The following FARS2 variants were observed in gnomAD, a reference collection of about 807,000 sequenced individuals.
FARS2 encodes the protein phenylalanine--tRNA ligase, mitochondrial.
Under a neutral mutation model 46.4 loss-of-function variants are expected in FARS2, and 40 were observed. That is an observed-to-expected ratio of 0.86 (90% CI 0.67 to 1.12). The LOEUF (loss-of-function observed/expected upper bound fraction) is 1.12. Ranked by LOEUF, FARS2 falls within the 50% of genes most tolerant of loss-of-function variation. The probability of loss-of-function intolerance (pLI) is 0.00; values close to 1 mark genes in which losing one functional copy is unlikely to be tolerated. For missense variants in FARS2, 513 were observed against 567.9 expected, an observed-to-expected ratio of 0.90 and a Z score of 0.98; for synonymous variants, 234 against 214.9, an observed-to-expected ratio of 1.09 and a Z score of -0.78.
chr6:5,267,474 G>T (rs1291612875), intron 1 of FARS2, among the ~76,000 whole-genome samples: 2 of 152,086 alleles, frequency 1.3e-5, no homozygotes, highest in African/African-American at 4.8e-5. Context: ...GTCCAGGCCA[G>T]GCGTGGTGGC....
Position 5,578,268 on chromosome 6 carries a change from C to CCA in FARS2, c.1065+32930_1065+32931dup, listed in dbSNP as rs568746895. Among the ~76,000 whole-genome samples, 7 of 152,268 alleles carry CCA rather than the reference C, an allele frequency of 4.6e-5. No homozygotes were observed. The East Asian group carries it at 1.4e-3, about 29-fold the overall frequency. ...AGAAGTTCTCAGCCAGGGTCCCCAGCCACTGCTCCCTAACCCACCCATAGC... is the reference window on the plus strand; with the variant it reads ...AGAAGTTCTCAGCCAGGGTCCCCAGCCACACTGCTCCCTAACCCACCCATAGC... On this transcript the variant is annotated intron_variant, in intron 5 of 6. Transcript: ENST00000274680.
chr6:5,730,355 T>C (rs776763021), intron 6 of FARS2, among the ~76,000 whole-genome samples: 2 of 152,094 alleles, frequency 1.3e-5, no homozygotes, highest in African/African-American at 4.8e-5. Flanking sequence ...AGGTACTAAA[T>C]AGTTGGGGGA....
Position 5,765,222 on chromosome 6 carries a change from G to A in FARS2, c.1218-6069G>A, listed in dbSNP as rs1008574960. Among the ~76,000 whole-genome samples, 1 of 152,188 alleles carries A rather than the reference G, an allele frequency of 6.6e-6. No homozygotes were observed. The highest frequency in any genetic ancestry group is 2.4e-5 in the African/African-American group (1 of 41,442). Reference sequence around the variant, plus strand: ...GGCTGCCCCTCTGGCCCTGGCTCTCGGCTTCCACACAAGCAGCTACTCTTG... The same window carrying A: ...GGCTGCCCCTCTGGCCCTGGCTCTCAGCTTCCACACAAGCAGCTACTCTTG... On this transcript the variant is annotated intron_variant, in intron 6 of 6. Coordinates refer to ENST00000274680, the MANE Select transcript of FARS2 (RefSeq NM_006567.5). The surrounding 1 kb of genome is among the most constrained non-coding windows in gnomAD (Gnocchi z 4.0).
At chr6:5,643,559 G>A (rs1264016700) in intron 6 of FARS2, among the ~76,000 whole-genome samples, 1 of 152,174 alleles carries the variant, frequency 6.6e-6, no homozygotes, top group African/African-American at 2.4e-5. Context: ...TAGCAGCCAC[G>A]TTAAGGTAAC....
intron 4 of FARS2, among the ~76,000 whole-genome samples, chr6:5,495,033 T>C (rs1767369500): frequency 6.6e-6 from 1 of 152,236 alleles, no homozygotes; most frequent in South Asian, 2.1e-4. Context: ...CTGTGTGAGG[T>C]TGAACATTGT....
chr6:5,532,777 TAATAATAAG>T lies in FARS2; in HGVS notation c.905-12400_905-12392del, dbSNP rs1251522194. ...AAAGTAGTAGTAGTAATAATAATAA[TAATAATAAG>T]AAGAAGAAGAAGAAGAAGAAGAAGA... On this transcript the variant is annotated intron_variant, in intron 4 of 6. Coordinates refer to ENST00000274680, the MANE Select transcript of FARS2 (RefSeq NM_006567.5). Among the ~76,000 whole-genome samples, 222 of 143,460 alleles carry T rather than the reference TAATAATAAG, an allele frequency of 1.5e-3. 1 individual carries two copies. The highest frequency in any genetic ancestry group is 5.9e-3 in the African/African-American group (210 of 35,308). 94.1% of individuals were successfully genotyped at this position (143,460 alleles called of 152,430 possible).
At chr6:5,535,886 A>G (rs1326343827) in intron 4 of FARS2, among the ~76,000 whole-genome samples, 3 of 152,106 alleles carry the variant, frequency 2.0e-5, no homozygotes, top group Non-Finnish European at 4.4e-5. Flanking sequence ...GGGTAAATCC[A>G]TTTGATCATG....
chr6:5,656,391 TG>T (rs1777607465), intron 6 of FARS2, among the ~76,000 whole-genome samples: 1 of 152,132 alleles, frequency 6.6e-6, no homozygotes, highest in Non-Finnish European at 1.5e-5. Flanking sequence ...GAATTGGAAG[TG>T]TTTGTAGAGG....
rs982560619 is a variant in FARS2, at chr6:5,572,274, A to G, written c.1065+26934A>G. 7.2e-5 allele frequency among the ~76,000 whole-genome samples: 11 copies of G among 152,212 alleles called. No homozygotes were observed. The South Asian group carries it at 1.2e-3, about 17-fold the overall frequency. On this transcript the variant is annotated intron_variant, in intron 5 of 6. Coordinates refer to ENST00000274680, the MANE Select transcript of FARS2 (RefSeq NM_006567.5). ...GGTGAAGGGACAGCAGACACGTCCTATAGTGAAGGCAGGAGCAAGTGAGAG... is the reference window on the plus strand; with the variant it reads ...GGTGAAGGGACAGCAGACACGTCCTGTAGTGAAGGCAGGAGCAAGTGAGAG...
At chr6:5,629,437 A>G (rs1428543998) in intron 6 of FARS2, among the ~76,000 whole-genome samples, 1 of 152,112 alleles carries the variant, frequency 6.6e-6, no homozygotes, top group Non-Finnish European at 1.5e-5. Flanking sequence ...TTTCAGGTAG[A>G]ATGTATATGT....
chr6:5,381,262 G>A (rs867068628), intron 2 of FARS2, among the ~76,000 whole-genome samples: 5 of 151,934 alleles, frequency 3.3e-5, no homozygotes, highest in Admixed American at 6.6e-5. Flanking sequence ...CTCCCTAAGT[G>A]CTGGGATTAC....
At chr6:5,652,812 C>A (rs2150763399) in intron 6 of FARS2, among the ~76,000 whole-genome samples, 1 of 152,328 alleles carries the variant, frequency 6.6e-6, no homozygotes, top group East Asian at 1.9e-4. Flanking sequence ...TCTGACTGCT[C>A]CCGAGGCGCT....
At chr6:5,463,836 C>T (rs1228941187) in intron 4 of FARS2, among the ~76,000 whole-genome samples, 4 of 152,194 alleles carry the variant, frequency 2.6e-5, no homozygotes, top group Admixed American at 2.6e-4. Context: ...CTTTCATTTT[C>T]CTTCTGGTTT....
At chr6:5,494,052 A>G (rs1016243311) in intron 4 of FARS2, among the ~76,000 whole-genome samples, 1 of 151,734 alleles carries the variant, frequency 6.6e-6, no homozygotes, top group Non-Finnish European at 1.5e-5. Context: ...ATCTTGGGCC[A>G]CTATTGGGGC....
At chr6:5,382,281 G>A (rs914681984) in intron 2 of FARS2, among the ~76,000 whole-genome samples, 2 of 152,144 alleles carry the variant, frequency 1.3e-5, no homozygotes. Flanking sequence ...ATATTTTTAT[G>A]CTGTGGATTT....
chr6:5,402,285 T>C (rs1190929301), intron 2 of FARS2, among the ~76,000 whole-genome samples: 1 of 151,922 alleles, frequency 6.6e-6, no homozygotes, highest in African/African-American at 2.4e-5. Context: ...GTTCTTAATT[T>C]TTGAGTTTCT....
intron 2 of FARS2, among the ~76,000 whole-genome samples, chr6:5,403,265 A>G (rs1275825923): frequency 2.0e-5 from 3 of 152,216 alleles, no homozygotes; most frequent in South Asian, 2.1e-4. Flanking sequence ...AGCTCTCTCT[A>G]TTGTTCAGAA....
chr6:5,435,512 C>G (rs889344644), intron 4 of FARS2, among the ~76,000 whole-genome samples: 2 of 152,204 alleles, frequency 1.3e-5, no homozygotes, highest in Non-Finnish European at 2.9e-5. Flanking sequence ...GTCGTAGTGT[C>G]TTCACCGTTG....
intron 6 of FARS2, among the ~76,000 whole-genome samples, chr6:5,709,610 C>T (rs1322063983): frequency 6.6e-6 from 1 of 151,146 alleles, no homozygotes; most frequent in Non-Finnish European, 1.5e-5. Flanking sequence ...TTCTTAAGAT[C>T]GGAAGACAAT....
Sources: allele counts gnomAD v4.1 joint callset (sites outside exome capture counted in the v4.1 genomes callset), GRCh38; gene constraint gnomAD v4.1.1; non-coding constraint Gnocchi (gnomAD v3.1); transcripts MANE v1.5; gene names NCBI Gene and HGNC (gene_info 2026-07-23, HGNC 2026-07-21).